KIAA2013: variants seen among roughly 807,000 people sequenced by gnomAD.
KIAA2013 encodes uncharacterized protein KIAA2013.
A neutral mutation model predicts 39.9 loss-of-function variants in KIAA2013; 20 were observed. The observed-to-expected ratio is 0.50, with a 90% CI of 0.35 to 0.73. KIAA2013 has a LOEUF of 0.73. Among genes scored for constraint, KIAA2013 ranks in the 30% least tolerant of loss-of-function variants. The pLI is 0.01. For synonymous variants in KIAA2013, 336 were observed against 416.6 expected (o/e 0.81, Z 2.35); for missense variants, 587 against 856.1 (o/e 0.69, Z 3.92).
rs1645471635 is a variant in KIAA2013 at position 11,921,059 on chromosome 1, G to GA, written c.1888-728dup. On this transcript the variant is annotated intron_variant, in intron 2 of 2. Transcript: ENST00000376572. ...GAAAAGAAGAGAAGGGAGGGGAGGG[G>GA]AGGAAGAGTAGAGGGGAGGAGACGG... 2.0e-5 allele frequency among the ~76,000 whole-genome samples: 3 copies of GA among 148,918 alleles called. No homozygotes were observed. The South Asian group carries it at 6.3e-4, about 32-fold the overall frequency.
chr1:11,920,892 C>T (rs1055160224), intron 2 of KIAA2013, among the ~76,000 whole-genome samples: 3 of 152,152 alleles, frequency 2.0e-5, no homozygotes, highest in African/African-American at 7.2e-5. Context: ...AACTAGAAGC[C>T]GCAGGCATCC....
At chr1:11,922,422 A>G in intron 2 of KIAA2013, 1 of 1,449,626 alleles carries the variant, frequency 6.9e-7, no homozygotes, top group South Asian at 1.5e-5. Context: ...GAAAGCCAGA[A>G]GACCATCAAT....
At position 11,923,578 on chromosome 1, in the gene KIAA2013, G is replaced by A; in HGVS notation, c.1034-89C>T. 7.5e-7 allele frequency: 1 copy of A among 1,335,950 alleles called. No homozygotes were observed. Among genetic ancestry groups the A allele is most frequent in the Non-Finnish European group, 1.0e-6 (1 of 959,248 alleles). The allele number at this position is 1,335,950 out of a possible 1,614,324, so 82.8% of individuals were successfully genotyped here. A position where few individuals can be genotyped will look rare whatever the true frequency, so the allele number is the denominator to read the frequency against. ...TAAAGACCAAGGGCAGCAGAAGAGT[G>A]AGGTGTTGTGCCTTAATGATAAAGA... is the stretch of plus-strand genomic sequence containing the variant. On this transcript the variant is annotated intron_variant, in intron 1 of 2. Transcript: ENST00000376572. The surrounding 1 kb of genome is among the most constrained non-coding windows in gnomAD (Gnocchi z 4.6).
Position 11,919,989 on chromosome 1 carries a change from G to A in KIAA2013, c.*326C>T. 1 of 419,398 alleles carries A rather than the reference G, an allele frequency of 2.4e-6. No homozygotes were observed. Among genetic ancestry groups the A allele is most frequent in the South Asian group, 3.4e-5 (1 of 29,536 alleles). The allele number at this position is 419,398 out of a possible 1,614,324, so 26.0% of individuals were successfully genotyped here. A position where few individuals can be genotyped will look rare whatever the true frequency, so the allele number is the denominator to read the frequency against. ...AGGACACAACTTTTCCTAGACAAGA[G>A]TCTTTTCAAAAGATGATCTATTTCC... On this transcript the variant is annotated 3_prime_UTR_variant, in exon 3 of 3. Coordinates refer to ENST00000376572, the MANE Select transcript of KIAA2013 (RefSeq NM_138346.3).
At position 11,923,678 on chromosome 1, in the gene KIAA2013, G is replaced by C. The variant is rs1157380053; in HGVS notation, c.1034-189C>G. Among the ~76,000 whole-genome samples, 5 of 152,174 alleles carry C rather than the reference G, an allele frequency of 3.3e-5. No individual in the cohort carries two copies. In the East Asian group the frequency reaches 7.7e-4, roughly 23 times the overall value. On this transcript the variant is annotated intron_variant, in intron 1 of 2. Transcript: ENST00000376572. This position sits in a 1 kb window ranked among gnomAD's most constrained non-coding sequence, Gnocchi z 4.6. Reference sequence around the variant, plus strand: ...TTACACGACCAACTTGAGCCTGTGGGCCTGAAATCTAGAATCCTGTTAAAA... The same window carrying C: ...TTACACGACCAACTTGAGCCTGTGGCCCTGAAATCTAGAATCCTGTTAAAA...
chr1:11,922,485 T>C, intron 2 of KIAA2013, 151 bp downstream of exon 2: 1 of 1,506,628 alleles, frequency 6.6e-7, no homozygotes, highest in Non-Finnish European at 8.9e-7. Flanking sequence ...TCAAAACACT[T>C]GTGCGCGCTC....
intron 1 of KIAA2013, among the ~76,000 whole-genome samples, chr1:11,924,451 G>A (rs1387378329): frequency 6.6e-6 from 1 of 151,940 alleles, no homozygotes; most frequent in African/African-American, 2.4e-5. Flanking sequence ...TCTAATGTCT[G>A]TCTTCCTCCC....
At position 11,923,100 on chromosome 1, in the gene KIAA2013, C is replaced by T. The variant is rs761268626; in HGVS notation, c.1423G>A (p.Asp475Asn). Residue 475 changes from aspartate (D) to asparagine (N), a missense_variant, in exon 2 of 3, where the codon GAC (aspartate) becomes AAC (asparagine). Physicochemically the swap from Asp to Asn is conservative, Grantham distance 23. Coordinates refer to ENST00000376572, the MANE Select transcript of KIAA2013 (RefSeq NM_138346.3). The surrounding 1 kb of genome is among the most constrained non-coding windows in gnomAD (Gnocchi z 4.6). ...ENHLQFQADP[D>N]VLHNSYALHG... ...AATGCATAGCTGTTGTGCAGCACGT[C>T]GGGGTCGGCCTGGAACTGGAGGTGG... 9.9e-6 allele frequency: 16 copies of T among 1,609,970 alleles called. No individual in the cohort carries two copies. Among genetic ancestry groups the T allele is most frequent in the African/African-American group, 1.3e-5 (1 of 74,954 alleles).
Position 11,926,149 on chromosome 1 carries a change from A to G in KIAA2013, c.89T>C (p.Leu30Pro). ...RRLLCLLGLL[L>P]LLLWFGGSGA... ...GGACCCCCCAAACCACAGAAGCAGC[A>G]GCAGGAGGCCAAGCAGGCAGAGGAG... is the stretch of plus-strand genomic sequence containing the variant. The change falls in exon 1 of 3, where the codon CTG becomes CCG. Residue 30 changes from leucine to proline, a missense_variant. Coordinates refer to ENST00000376572, the MANE Select transcript of KIAA2013 (RefSeq NM_138346.3). 1 of 1,403,220 alleles carries G rather than the reference A, an allele frequency of 7.1e-7. No individual in the cohort carries two copies. Among genetic ancestry groups the G allele is most frequent in the East Asian group, 3.5e-5 (1 of 28,342 alleles). 86.9% of individuals were successfully genotyped at this position (1,403,220 alleles called of 1,614,324 possible).
Position 11,922,617 on chromosome 1 carries a change from C to G in KIAA2013, c.1887+19G>C. 1 of 1,611,742 alleles carries G rather than the reference C, an allele frequency of 6.2e-7. No individual in the cohort carries two copies. The highest frequency in any genetic ancestry group is 8.5e-7 in the Non-Finnish European group (1 of 1,179,094). On this transcript the variant is annotated intron_variant, in intron 2 of 2. Transcript: ENST00000376572. ...GCAAGGCCAAGGCCTCGGGTTTCGA[C>G]CAGATGGCGGCTTCCTACCTTACTC...
chr1:11,922,804 G>A lies in KIAA2013; in HGVS notation c.1719C>T (p.Leu573=), dbSNP rs1370725002. 6.2e-7 allele frequency: 1 copy of A among 1,613,092 alleles called. No homozygotes were observed. ...HLQDLRHTLH[L]KAILAHDEHM... ...GCTCATCATGGGCCAGGATGGCCTT[G>A]AGGTGCAGCGTGTGCCGCAGGTCCT... Residue 573 remains leucine, a synonymous_variant, in exon 2 of 3, where the codon CTC becomes CTT. Transcript: ENST00000376572.
chr1:11,925,978 G>C lies in KIAA2013; in HGVS notation c.260C>G (p.Pro87Arg), dbSNP rs1645504812. The change falls in exon 1 of 3, where the codon CCT becomes CGT. Residue 87 changes from proline (P) to arginine (R), a missense_variant. Physicochemically the swap from Pro to Arg is moderately radical, Grantham distance 103. Transcript: ENST00000376572. The surrounding 1 kb of genome is among the most constrained non-coding windows in gnomAD (Gnocchi z 5.2). The stretch of plus-strand genomic sequence containing the variant: ...GTTGGCCACCAGGGCCGGCACTCCA[G>C]GACCCAGCGGTACCACCTCACCGCG... Reference protein sequence around the residue: ...RERGEVVPLGPGVPALVANGF... With the variant: ...RERGEVVPLGRGVPALVANGF... 1 of 1,534,678 alleles carries C rather than the reference G, an allele frequency of 6.5e-7. No individual in the cohort carries two copies. Among genetic ancestry groups the C allele is most frequent in the Non-Finnish European group, 8.7e-7 (1 of 1,148,428 alleles).
Position 11,926,243 on chromosome 1 carries a change from C to T in KIAA2013, c.-6G>A. On this transcript the variant is annotated 5_prime_UTR_variant, in exon 1 of 3. Transcript: ENST00000376572. The stretch of plus-strand genomic sequence containing the variant: ...AGCCGCTGCTGCAGCCACATCGGGC[C>T]GCCAGGCGCGGGCAAGGGTGCGAGG... The T allele has an allele frequency of 8.6e-7, 1 of 1,169,372 alleles. No homozygotes were observed. The highest frequency in any genetic ancestry group is 4.8e-5 in the East Asian group (1 of 20,698). The allele number at this position is 1,169,372 out of a possible 1,614,324, so 72.4% of individuals were successfully genotyped here.
At chr1:11,922,290 A>C (rs186429054) in intron 2 of KIAA2013, 1 of 1,285,682 alleles carries the variant, frequency 7.8e-7, no homozygotes, top group South Asian at 1.9e-5. Context: ...CCTGGGCTCA[A>C]GGGATTCTCC....
Position 11,925,499 on chromosome 1 carries a change from A to G in KIAA2013, c.739T>C (p.Tyr247His). Residue 247 changes from tyrosine to histidine, a missense_variant, in exon 1 of 3, where the codon TAC (tyrosine) becomes CAC (histidine). Transcript: ENST00000376572. This position sits in a 1 kb window ranked among gnomAD's most constrained non-coding sequence, Gnocchi z 5.2. Reference sequence around the variant, plus strand: ...GGCGTAGGCGGGGACCGGCCTGAGTAGAGGAGGAACTGATGGTCTCCGACC... The same window carrying G: ...GGCGTAGGCGGGGACCGGCCTGAGTGGAGGAGGAACTGATGGTCTCCGACC... ...EKVGDHQFLL[Y>H]SGRSPPTPTG... is the part of the protein sequence containing the mutation. 6 of 1,606,662 alleles carry G rather than the reference A, an allele frequency of 3.7e-6. No homozygotes were observed. Among genetic ancestry groups the G allele is most frequent in the Non-Finnish European group, 5.1e-6 (6 of 1,176,790 alleles).
chr1:11,925,321 T>C lies in KIAA2013; in HGVS notation c.917A>G (p.Lys306Arg), dbSNP rs1168577144. Residue 306 changes from lysine (K) to arginine (R), a missense_variant, in exon 1 of 3, where the codon AAG becomes AGG. By Grantham distance (26) the Lys-to-Arg change is conservative. Coordinates refer to ENST00000376572, the MANE Select transcript of KIAA2013 (RefSeq NM_138346.3). The surrounding 1 kb of genome is among the most constrained non-coding windows in gnomAD (Gnocchi z 5.2). ...NPQVLKSKAA[K>R]ELKALQDLAR... ...CAAGTCCTGCAGCGCCTTGAGCTCC[T>C]TGGCTGCTTTGCTTTTGAGCACCTG... 17 of 1,613,894 alleles carry C rather than the reference T, an allele frequency of 1.1e-5. No homozygotes were observed. Among genetic ancestry groups the C allele is most frequent in the Non-Finnish European group, 1.4e-5 (17 of 1,179,862 alleles).
At position 11,923,119 on chromosome 1, in the gene KIAA2013, G is replaced by C. The variant is rs763877019; in HGVS notation, c.1404C>G (p.Leu468=). The C allele has an allele frequency of 3.1e-6, 5 of 1,610,032 alleles. No individual in the cohort carries two copies. Among genetic ancestry groups the C allele is most frequent in the Non-Finnish European group, 4.2e-6 (5 of 1,176,964 alleles). Residue 468 remains leucine, a synonymous_variant, in exon 2 of 3, where the codon CTC becomes CTG. Coordinates refer to ENST00000376572, the MANE Select transcript of KIAA2013 (RefSeq NM_138346.3). The surrounding 1 kb of genome is among the most constrained non-coding windows in gnomAD (Gnocchi z 4.6). ...FGGLQFTENH[L]QFQADPDVLH... is the part of the protein sequence containing the mutation. The stretch of plus-strand genomic sequence containing the variant: ...GCACGTCGGGGTCGGCCTGGAACTG[G>C]AGGTGGTTCTCTGTGAACTGCAGCC...
At chr1:11,920,572 T>C (rs1645468194) in intron 2 of KIAA2013, among the ~76,000 whole-genome samples, 1 of 152,058 alleles carries the variant, frequency 6.6e-6, no homozygotes. Flanking sequence ...CCCATGAAGG[T>C]AGTTTGGCTC....
chr1:11,924,611 A>G (rs1645494393), intron 1 of KIAA2013, among the ~76,000 whole-genome samples: 1 of 152,102 alleles, frequency 6.6e-6, no homozygotes, highest in African/African-American at 2.4e-5. Flanking sequence ...GGTTCAGACA[A>G]TTGGAACCCT....
Sources: gnomAD v4.1 joint callset for allele counts (sites outside exome capture counted in the v4.1 genomes callset) on GRCh38, gnomAD v4.1.1 for gene constraint, Gnocchi (gnomAD v3.1) non-coding constraint, MANE v1.5 for transcripts, NCBI Gene and HGNC (gene_info 2026-07-23, HGNC 2026-07-21) for gene names.